The following SOX6 variants were observed in gnomAD, a reference collection of about 807,000 sequenced individuals.
SOX6 encodes the protein transcription factor SOX-6.
Under a neutral mutation model 97.8 loss-of-function variants are expected in SOX6, and 11 were observed. The ratio of observed to expected loss-of-function variants is 0.11; its 90% CI spans 0.07 to 0.19. The LOEUF (loss-of-function observed/expected upper bound fraction) is 0.19. Ranked by LOEUF, SOX6 falls within the 10% of genes least tolerant of loss-of-function variation. The probability of loss-of-function intolerance (pLI) is 1.00; values close to 1 mark genes in which losing one functional copy is unlikely to be tolerated. For missense variants in SOX6, 810 were observed against 1,039.5 expected (o/e 0.78, Z 3.04); for synonymous variants, 360 against 371.4 (o/e 0.97, Z 0.35).
chr11:16,108,271 C>T (rs2133990417), intron 7 of SOX6, among the ~76,000 whole-genome samples: 1 of 152,192 alleles, frequency 6.6e-6, no homozygotes, highest in Non-Finnish European at 1.5e-5. Context: ...GGCAGACATC[C>T]TGTTCCTAGG....
At chr11:16,248,454 T>C (rs1451622634) in intron 3 of SOX6, among the ~76,000 whole-genome samples, 2 of 152,204 alleles carry the variant, frequency 1.3e-5, no homozygotes, top group African/African-American at 4.8e-5. Flanking sequence ...TACCTGGACA[T>C]CCTGGTGTTT....
rs189830339 is a variant in SOX6 at position 16,124,647 on chromosome 11, T to C, written c.778-12724A>G. Among the ~76,000 whole-genome samples the C allele has an allele frequency of 2.7e-5, 4 of 150,674 alleles. No homozygotes were observed. In the East Asian group the frequency reaches 7.9e-4, roughly 30 times the overall value. On this transcript the variant is annotated intron_variant, in intron 6 of 15. Transcript: ENST00000683767. ...GTCAGAGCAGAATGAGCATAGAGAGTGGTAGGGGAAAGGCTAGAAAGACAG... is the reference window on the plus strand; with the variant it reads ...GTCAGAGCAGAATGAGCATAGAGAGCGGTAGGGGAAAGGCTAGAAAGACAG...
chr11:16,465,447 T>C (rs1281947491), intron 1 of SOX6, among the ~76,000 whole-genome samples: 1 of 152,188 alleles, frequency 6.6e-6, no homozygotes, highest in Non-Finnish European at 1.5e-5. Flanking sequence ...CTACTATATA[T>C]ATATAATAAT....
intron 3 of SOX6, chr11:16,315,113 T>G (rs1855721610): frequency 6.6e-6 from 1 of 152,054 alleles, no homozygotes. Context: ...AATTTTTGTA[T>G]TTTTAGTAGA....
chr11:16,535,284 A>G (rs570827026), intron 4 of SOX6, among the ~76,000 whole-genome samples: 15 of 152,232 alleles, frequency 9.9e-5, no homozygotes, highest in Non-Finnish European at 1.9e-4. Context: ...CCCAGAGCAG[A>G]CATTGTCTAA....
intron 9 of SOX6, among the ~76,000 whole-genome samples, chr11:16,092,679 T>A (rs750386655): frequency 4.6e-5 from 7 of 151,896 alleles, no homozygotes; most frequent in African/African-American, 1.7e-4. Context: ...TAAGAAGGCA[T>A]GAGGCAGGTG....
intron 1 of SOX6, among the ~76,000 whole-genome samples, chr11:16,388,526 T>C (rs10734241): frequency 1 from 151,427 of 152,146 alleles, 75,361 homozygotes; most frequent in Middle Eastern, 1. Context: ...TCATTTGGGC[T>C]TGGAGTTTCC....
chr11:16,349,110 T>A (rs1189155756), intron 1 of SOX6, among the ~76,000 whole-genome samples: 2 of 152,078 alleles, frequency 1.3e-5, no homozygotes, highest in Non-Finnish European at 2.9e-5. Flanking sequence ...AGATACAAAT[T>A]AAAATGAATA....
chr11:16,460,490 C>T (rs1859902103), intron 1 of SOX6, among the ~76,000 whole-genome samples: 1 of 151,924 alleles, frequency 6.6e-6, no homozygotes, highest in Non-Finnish European at 1.5e-5. Flanking sequence ...TGACAAGGAT[C>T]CCCAACAAGG....
At chr11:16,406,908 A>C (rs1161843530) in intron 1 of SOX6, among the ~76,000 whole-genome samples, 5 of 152,108 alleles carry the variant, frequency 3.3e-5, no homozygotes, top group African/African-American at 7.2e-5. Context: ...AAAATTCTTA[A>C]AAAGATAATT....
At chr11:16,202,197 T>C (rs542407061) in intron 4 of SOX6, among the ~76,000 whole-genome samples, 3 of 152,300 alleles carry the variant, frequency 2.0e-5, no homozygotes, top group African/African-American at 7.2e-5. Context: ...TCAACTCTTA[T>C]ACGATGAAAA....
At chr11:16,046,419 A>G in intron 12 of SOX6, 95 bp downstream of exon 12, 6 of 1,368,024 alleles carry the variant, frequency 4.4e-6, no homozygotes, top group East Asian at 2.3e-5. Flanking sequence ...GCCCAAATCT[A>G]TGGCTGCAGG....
At chr11:16,267,171 A>G (rs1359100287) in intron 3 of SOX6, among the ~76,000 whole-genome samples, 1 of 148,816 alleles carries the variant, frequency 6.7e-6, no homozygotes, top group Non-Finnish European at 1.5e-5. Context: ...GCAGGCAGCA[A>G]AAGCAAAAAT....
chr11:16,674,873 C>A (rs746337081), intron 3 of SOX6, among the ~76,000 whole-genome samples: 1 of 152,134 alleles, frequency 6.6e-6, no homozygotes, highest in Non-Finnish European at 1.5e-5. Context: ...ACTGCTTGAA[C>A]CTAGGAGGCA....
intron 1 of SOX6, among the ~76,000 whole-genome samples, chr11:16,380,002 TATG>T (rs1857763371): frequency 1.3e-5 from 2 of 151,794 alleles, no homozygotes; most frequent in South Asian, 4.1e-4. Flanking sequence ...TTTGATACCA[TATG>T]ATCTCATTTT....
chr11:16,008,342 C>G (rs924222534), intron 13 of SOX6, among the ~76,000 whole-genome samples: 4 of 152,004 alleles, frequency 2.6e-5, no homozygotes, highest in African/African-American at 9.7e-5. Context: ...ATGACATAGA[C>G]AGTTATTTCT....
intron 3 of SOX6, chr11:16,316,697 A>G (rs1401600764): frequency 6.6e-6 from 1 of 152,104 alleles, no homozygotes; most frequent in African/African-American, 2.4e-5. Context: ...GACTCCTCCA[A>G]AGTATTTTGA....
intron 1 of SOX6, among the ~76,000 whole-genome samples, chr11:16,386,001 A>G (rs1857972834): frequency 6.6e-6 from 1 of 152,042 alleles, no homozygotes. Flanking sequence ...CTGGAGCCAT[A>G]TTGTTCTCTG....
rs140602675 is a variant in SOX6, at chr11:16,108,389, A to G, written c.898+3414T>C. Among the ~76,000 whole-genome samples, 88 of 152,194 alleles carry G rather than the reference A, an allele frequency of 5.8e-4. 2 individuals carry two copies. In the East Asian group the frequency reaches 0.015, roughly 26 times the overall value. On this transcript the variant is annotated intron_variant, in intron 7 of 15. Coordinates refer to ENST00000683767, the MANE Select transcript of SOX6 (RefSeq NM_001367873.1). ...TCAAGCCTGAAGTATGAAGGGGGCT[A>G]CTCATCGTTTCTGTTTTTCAGGCAA...
Sources: allele counts gnomAD v4.1 joint callset (sites outside exome capture counted in the v4.1 genomes callset), GRCh38; gene constraint gnomAD v4.1.1; transcripts MANE v1.5; gene names NCBI Gene and HGNC (gene_info 2026-07-23, HGNC 2026-07-21).